SEC61A1: variants seen among roughly 807,000 people sequenced by gnomAD.
SEC61A1 encodes SEC61 translocon subunit alpha 1, also known as protein transport protein Sec61 subunit alpha isoform 1.
SEC61A1 carries 15 observed loss-of-function variants against 55.2 expected under a neutral mutation model. The ratio of observed to expected loss-of-function variants is 0.27; its 90% CI spans 0.18 to 0.42. SEC61A1 has a LOEUF of 0.42. Among genes scored for constraint, SEC61A1 ranks in the 10% least tolerant of loss-of-function variants. The pLI, the probability that SEC61A1 is intolerant of heterozygous loss-of-function variation, is 1.00. For synonymous variants in SEC61A1, 247 were observed against 234.0 expected, an observed-to-expected ratio of 1.06 and a Z score of -0.51; for missense variants, 284 against 602.6, an observed-to-expected ratio of 0.47 and a Z score of 5.53.
chr3:128,065,127 A>C (rs572897339), intron 8 of SEC61A1, 90 bp downstream of exon 8: 908 of 1,313,654 alleles, frequency 6.9e-4, no homozygotes, highest in Middle Eastern at 4.3e-3. Flanking sequence ...TGTGGGGTGC[A>C]CTGTCATCAT....
rs1439954077 is a variant in SEC61A1, at chr3:128,052,475, G to A, written c.-78G>A. ...GCGGAGCTGCTGTGCAGTGGAACGCGCTGGGCCGCGGGCAGCGTCGCCTCA... is the reference window on the plus strand; with the variant it reads ...GCGGAGCTGCTGTGCAGTGGAACGCACTGGGCCGCGGGCAGCGTCGCCTCA... On this transcript the variant is annotated 5_prime_UTR_variant, in exon 1 of 12. Coordinates refer to ENST00000243253, the MANE Select transcript of SEC61A1 (RefSeq NM_013336.4). The A allele has an allele frequency of 1.9e-6, 3 of 1,547,768 alleles. No individual in the cohort carries two copies. The highest frequency in any genetic ancestry group is 2.0e-5 in the Admixed American group (1 of 50,478).
chr3:128,063,960 C>T (rs190447078), intron 7 of SEC61A1, among the ~76,000 whole-genome samples: 36 of 152,320 alleles, frequency 2.4e-4, no homozygotes, highest in African/African-American at 8.7e-4. Flanking sequence ...TTTCCTATAT[C>T]CCTCAGTCCC....
rs1443868777 is a variant in SEC61A1 at position 128,052,887 on chromosome 3, G to T, written c.60G>T (p.Gln20His). ...TCTGTGTCATCCTGCCGGAAATTCA[G>T]AAGCCAGAGAGGAAGGTAAGTACCC... ...KPFCVILPEIQKPERKIQFKE... is the reference protein window; with the variant it reads ...KPFCVILPEIHKPERKIQFKE... The change falls in exon 2 of 12, where the codon CAG (glutamine) becomes CAT (histidine). Residue 20 changes from glutamine (Q) to histidine (H), a missense_variant. Coordinates refer to ENST00000243253, the MANE Select transcript of SEC61A1 (RefSeq NM_013336.4). 1.9e-6 allele frequency: 3 copies of T among 1,613,252 alleles called. No homozygotes were observed. The highest frequency in any genetic ancestry group is 1.3e-5 in the African/African-American group (1 of 74,990).
chr3:128,060,776 T>A, intron 7 of SEC61A1, 115 bp downstream of exon 7: 1 of 1,115,172 alleles, frequency 9.0e-7, no homozygotes, highest in East Asian at 2.6e-5. Context: ...AGTTTTAGGT[T>A]TATCTCTTCT....
chr3:128,059,885 AAAG>A (rs1276074370), intron 5 of SEC61A1, among the ~76,000 whole-genome samples: 8 of 152,308 alleles, frequency 5.3e-5, no homozygotes, highest in East Asian at 1.9e-4. Flanking sequence ...AGGTAAAACT[AAAG>A]AAGAAGTGTG....
chr3:128,065,014 TTTG>T lies in SEC61A1; in HGVS notation c.755_757del (p.Phe252_Ala253delinsSer). On this transcript the variant is annotated inframe_deletion, in exon 8 of 12. Coordinates refer to ENST00000243253, the MANE Select transcript of SEC61A1 (RefSeq NM_013336.4). ...GAATCTCATCGCCACCATCTTTGTC[TTTG>T]CAGTGGTCATCTATTTCCAGGTGTG... The T allele has an allele frequency of 6.2e-7, 1 of 1,614,234 alleles. No individual in the cohort carries two copies.
At chr3:128,054,593 A>G (rs1370399434) in intron 2 of SEC61A1, among the ~76,000 whole-genome samples, 1 of 150,812 alleles carries the variant, frequency 6.6e-6, no homozygotes, top group Non-Finnish European at 1.5e-5. Context: ...CCAGAGGGCC[A>G]GGAATGCTGA....
At chr3:128,065,551 G>C (rs1251166389) in intron 8 of SEC61A1, among the ~76,000 whole-genome samples, 3 of 152,034 alleles carry the variant, frequency 2.0e-5, no homozygotes, top group African/African-American at 7.2e-5. Context: ...GGTCCACTTT[G>C]TATTTTGGTG....
rs148277951 is a variant in SEC61A1, at chr3:128,066,675, C to T, written c.778-279C>T. The T allele has an allele frequency of 9.4e-4, 416 of 442,700 alleles. 4 individuals are homozygous for T. Among genetic ancestry groups the T allele is most frequent in the African/African-American group, 6.9e-3 (347 of 50,262 alleles). The allele number at this position is 442,700 out of a possible 1,614,324, so 27.4% of individuals were successfully genotyped here. On this transcript the variant is annotated intron_variant, in intron 8 of 11. Coordinates refer to ENST00000243253, the MANE Select transcript of SEC61A1 (RefSeq NM_013336.4). ...CTGGGCTCAAGCAATTCTCCCACCT[C>T]GGCCTCCCAAAGTGCTGGGATTACA... is the stretch of plus-strand genomic sequence containing the variant.
intron 5 of SEC61A1, 103 bp downstream of exon 5, chr3:128,056,943 T>TA: frequency 1.0e-5 from 10 of 972,860 alleles, no homozygotes; most frequent in Middle Eastern, 3.8e-4. Flanking sequence ...TTTTATTTTT[T>TA]TTTTTTTTTT....
rs57508280 is a variant in SEC61A1 at position 128,058,201 on chromosome 3, A to ATTTTTT, written c.352+1381_352+1386dup. 1.3e-3 allele frequency among the ~76,000 whole-genome samples: 100 copies of ATTTTTT among 79,374 alleles called. 5 individuals are homozygous for ATTTTTT. The highest frequency in any genetic ancestry group is 0.012 in the Middle Eastern group (1 of 84). 52.1% of individuals were successfully genotyped at this position (79,374 alleles called of 152,430 possible). ...GGATAATTGAATGAGAAATACGTCT[A>ATTTTTT]TTTTTTTTTTTTTTTTTTTTTTTTT... On this transcript the variant is annotated intron_variant, in intron 5 of 11. Transcript: ENST00000243253.
At position 128,060,496 on chromosome 3, in the gene SEC61A1, G is replaced by T. The variant is rs1442238759; in HGVS notation, c.463-12G>T. ...CAGTAACACATAGTCTTGTATTTTT[G>T]AATTTTTACAGCTCTTTGTTGCTGG... On this transcript the variant is annotated splice_polypyrimidine_tract_variant and intron_variant, in intron 6 of 11. Transcript: ENST00000243253. The T allele has an allele frequency of 2.5e-6, 4 of 1,613,082 alleles. 1 individual carries two copies. The Admixed American group carries it at 5.0e-5, about 20-fold the overall frequency.
chr3:128,063,539 C>T (rs1172180408), intron 7 of SEC61A1, among the ~76,000 whole-genome samples: 1 of 152,204 alleles, frequency 6.6e-6, no homozygotes, highest in Non-Finnish European at 1.5e-5. Flanking sequence ...GTTTCACCAT[C>T]TTGGCCAGGC....
rs9289325 is a variant in SEC61A1 at position 128,060,850 on chromosome 3, A to C, written c.616+189A>C. On this transcript the variant is annotated intron_variant, in intron 7 of 11. Transcript: ENST00000243253. ...TAGGCTTGTAATTATGATGATACCTAACTTGCACTTTTCATATAAAAATAT... is the reference window on the plus strand; with the variant it reads ...TAGGCTTGTAATTATGATGATACCTCACTTGCACTTTTCATATAAAAATAT... 0.23 allele frequency among the ~76,000 whole-genome samples: 35,150 copies of C among 152,196 alleles called. 4,123 individuals carry two copies. Among genetic ancestry groups the C allele is most frequent in the South Asian group, 0.27 (1,316 of 4,820 alleles).
rs770485413 is a variant in SEC61A1, at chr3:128,056,855, GA to G, written c.352+17del. On this transcript the variant is annotated intron_variant, in intron 5 of 11. Transcript: ENST00000243253. ...AGCCCAAAAGTGTAAGAAAGATTGT[GA>G]ATAATCTGATGTCTATAGTTGGAAA... 86 of 1,541,004 alleles carry G rather than the reference GA, an allele frequency of 5.6e-5. No homozygotes were observed. The South Asian group carries it at 1.1e-3, about 19-fold the overall frequency.
At chr3:128,058,201 AT>A (rs57508280) in intron 5 of SEC61A1, among the ~76,000 whole-genome samples, 7,518 of 78,744 alleles carry the variant, frequency 0.095, 58 homozygotes, top group South Asian at 0.15. Flanking sequence ...AAATACGTCT[AT>A]TTTTTTTTTT....
At chr3:128,055,641 T>G (rs779467849) in intron 3 of SEC61A1, 32 bp from the exon 4 acceptor site, 1 of 1,606,604 alleles carries the variant, frequency 6.2e-7, no homozygotes, top group African/African-American at 1.3e-5. Context: ...GAAACAGGAG[T>G]GCTGACTGTT....
At chr3:128,058,918 G>A (rs1941815249) in intron 5 of SEC61A1, among the ~76,000 whole-genome samples, 1 of 152,174 alleles carries the variant, frequency 6.6e-6, no homozygotes, top group Admixed American at 6.5e-5. Flanking sequence ...TTTCTCTTTG[G>A]TCTTCACAAT....
Position 128,054,911 on chromosome 3 carries a change from A to G in SEC61A1, c.76-605A>G, listed in dbSNP as rs575849909. 1.8e-4 allele frequency among the ~76,000 whole-genome samples: 28 copies of G among 152,312 alleles called. No individual in the cohort carries two copies. The South Asian group carries it at 5.4e-3, about 29-fold the overall frequency. On this transcript the variant is annotated intron_variant, in intron 2 of 11. Coordinates refer to ENST00000243253, the MANE Select transcript of SEC61A1 (RefSeq NM_013336.4). ...GTGATTCTTGTCACCTATGCAACCTATGTACCTGAGAAGATGTGAAAATCC... is the reference window on the plus strand; with the variant it reads ...GTGATTCTTGTCACCTATGCAACCTGTGTACCTGAGAAGATGTGAAAATCC...
Sources: allele counts gnomAD v4.1 joint callset (sites outside exome capture counted in the v4.1 genomes callset), GRCh38; gene constraint gnomAD v4.1.1; transcripts MANE v1.5; gene names NCBI Gene and HGNC (gene_info 2026-07-23, HGNC 2026-07-21).